The following GIGYF2 variants were observed in gnomAD, a reference collection of about 807,000 sequenced individuals.
The protein encoded by GIGYF2 is GRB10 interacting GYF protein 2, also known as GRB10-interacting GYF protein 2.
GIGYF2 carries 25 observed loss-of-function variants against 208.1 expected under a neutral mutation model. That is an observed-to-expected ratio of 0.12 (90% CI 0.09 to 0.17). The LOEUF is 0.17. Among genes scored for constraint, GIGYF2 ranks in the 10% least tolerant of loss-of-function variants. The pLI, the probability that GIGYF2 is intolerant of heterozygous loss-of-function variation, is 1.00. For missense variants in GIGYF2, 1,302 were observed against 1,579.4 expected (o/e 0.82, Z 2.98); for synonymous variants, 534 against 543.8 (o/e 0.98, Z 0.25).
chr2:232,815,090 G>C (rs1429831930), intron 18 of GIGYF2, among the ~76,000 whole-genome samples: 1 of 152,206 alleles, frequency 6.6e-6, no homozygotes, highest in African/African-American at 2.4e-5. Flanking sequence ...AGCTCCAGCT[G>C]TAATGCTTAC....
chr2:232,798,706 C>G (rs1024437757), intron 14 of GIGYF2, among the ~76,000 whole-genome samples: 20 of 152,048 alleles, frequency 1.3e-4, no homozygotes, highest in African/African-American at 4.3e-4. Context: ...TACTGGCCAT[C>G]TATTTGTCCT....
intron 19 of GIGYF2, chr2:232,816,009 G>A (rs2106390646): frequency 2.4e-6 from 1 of 419,538 alleles, no homozygotes; most frequent in South Asian, 2.3e-5. Context: ...ATTATTCATG[G>A]TATGAACATT....
At chr2:232,758,669 T>C (rs1426787296) in intron 6 of GIGYF2, among the ~76,000 whole-genome samples, 1 of 152,190 alleles carries the variant, frequency 6.6e-6, no homozygotes. Flanking sequence ...TAGTTATAAC[T>C]GAGAAAATAT....
intron 28 of GIGYF2, among the ~76,000 whole-genome samples, chr2:232,852,327 C>T (rs1436489022): frequency 1.3e-5 from 2 of 152,138 alleles, no homozygotes; most frequent in African/African-American, 4.8e-5. Context: ...GGGTGGATCG[C>T]TTGAGGTCAG....
At chr2:232,849,966 C>A (rs1329317678) in intron 27 of GIGYF2, among the ~76,000 whole-genome samples, 5 of 152,124 alleles carry the variant, frequency 3.3e-5, no homozygotes, top group Admixed American at 6.6e-5. Flanking sequence ...GCATTTGATA[C>A]AGACTCTGTA....
chr2:232,834,164 G>A (rs1434712343), intron 22 of GIGYF2, among the ~76,000 whole-genome samples: 1 of 152,140 alleles, frequency 6.6e-6, no homozygotes, highest in Non-Finnish European at 1.5e-5. Flanking sequence ...TTCATGCTGG[G>A]TCTGCAGTGC....
chr2:232,714,197 C>T (rs553261587), intron 2 of GIGYF2, among the ~76,000 whole-genome samples: 11 of 152,136 alleles, frequency 7.2e-5, no homozygotes, highest in African/African-American at 2.4e-4. Flanking sequence ...GTGATCCGCC[C>T]GTCTCGGCCT....
chr2:232,841,747 C>A (rs374543805), intron 23 of GIGYF2, among the ~76,000 whole-genome samples: 2 of 152,086 alleles, frequency 1.3e-5, no homozygotes, highest in Admixed American at 6.6e-5. Context: ...TCATTATCAT[C>A]CCTGGAGGCA....
intron 27 of GIGYF2, among the ~76,000 whole-genome samples, chr2:232,848,459 T>TA (rs1399599207): frequency 1.3e-5 from 2 of 151,956 alleles, no homozygotes; most frequent in Non-Finnish European, 2.9e-5. Context: ...CATGGTGAAA[T>TA]ACCGTCTCTA....
chr2:232,769,252 C>G (rs773654636), intron 8 of GIGYF2, among the ~76,000 whole-genome samples: 2 of 152,002 alleles, frequency 1.3e-5, no homozygotes, highest in Non-Finnish European at 2.9e-5. Flanking sequence ...ATATTTTGGC[C>G]AGGCATGGTG....
chr2:232,747,634 G>A lies in GIGYF2; in HGVS notation c.61G>A (p.Gly21Ser). The part of the protein sequence containing the change: ...GPEWLRALSS[G>S]GSITSPPLSP... ...TTCTAGGCTCCGAGCTCTGTCCAGT[G>A]GTGGGAGTATTACATCCCCTCCTCT... Residue 21 changes from glycine (G) to serine (S), a missense_variant, in exon 4 of 29, where the codon GGT (glycine) becomes AGT (serine). Physicochemically the swap from Gly to Ser is moderately conservative, Grantham distance 56 (BLOSUM62 0). This residue lies in a region of GIGYF2 where 27 missense variants were observed against 59.5 expected (regional missense o/e 0.45). Transcript: ENST00000373563. 1 of 1,613,954 alleles carries A rather than the reference G, an allele frequency of 6.2e-7. No individual in the cohort carries two copies. Among genetic ancestry groups the A allele is most frequent in the Non-Finnish European group, 8.5e-7 (1 of 1,179,868 alleles).
chr2:232,846,018 G>A (rs1701992467), intron 26 of GIGYF2, 132 bp downstream of exon 26: 3 of 708,182 alleles, frequency 4.2e-6, no homozygotes, highest in African/African-American at 3.5e-5. Flanking sequence ...ACCTGCCATA[G>A]GAACTTGACT....
intron 2 of GIGYF2, among the ~76,000 whole-genome samples, chr2:232,723,727 C>A (rs966875384): frequency 1.5e-5 from 1 of 65,510 alleles, no homozygotes; most frequent in Non-Finnish European, 2.7e-5. Context: ...TGTGCCCGGC[C>A]TTTTTTTTTT....
chr2:232,780,188 A>G lies in GIGYF2; in HGVS notation c.533-6962A>G, dbSNP rs575128495. Among the ~76,000 whole-genome samples the G allele has an allele frequency of 2.0e-4, 31 of 152,330 alleles. No individual in the cohort carries two copies. In the East Asian group the frequency reaches 6.0e-3, roughly 29 times the overall value. ...ATTTTTGGCCGTGGGTCAAACATGC[A>G]CACAGGTGCCCTTTTACTGCTCTTT... On this transcript the variant is annotated intron_variant, in intron 8 of 28. Coordinates refer to ENST00000373563, the MANE Select transcript of GIGYF2 (RefSeq NM_001103146.3).
chr2:232,800,490 T>G (rs1232111269), intron 14 of GIGYF2, among the ~76,000 whole-genome samples: 1 of 152,182 alleles, frequency 6.6e-6, no homozygotes, highest in Non-Finnish European at 1.5e-5. Flanking sequence ...ATGTCTGTCT[T>G]TATATTGGCA....
chr2:232,745,101 C>G (rs574711574), intron 3 of GIGYF2, among the ~76,000 whole-genome samples: 1 of 152,050 alleles, frequency 6.6e-6, no homozygotes, highest in Non-Finnish European at 1.5e-5. Flanking sequence ...GGGGTAGTTC[C>G]TTTCTTCTTG....
chr2:232,720,289 G>A (rs1696875666), intron 2 of GIGYF2, among the ~76,000 whole-genome samples: 1 of 152,004 alleles, frequency 6.6e-6, no homozygotes, highest in Non-Finnish European at 1.5e-5. Flanking sequence ...CTTTTTTATG[G>A]CTGCATAGTA....
chr2:232,847,222 C>T (rs544133220), intron 26 of GIGYF2, 126 bp from the exon 27 acceptor site: 4 of 931,972 alleles, frequency 4.3e-6, no homozygotes, highest in East Asian at 2.4e-5. Flanking sequence ...TTGCTGCATA[C>T]TTACCAAGTG....
At chr2:232,705,211 A>G (rs1039902582) in intron 2 of GIGYF2, among the ~76,000 whole-genome samples, 7 of 152,036 alleles carry the variant, frequency 4.6e-5, no homozygotes, top group African/African-American at 1.7e-4. Flanking sequence ...TTAGGAAGCC[A>G]TATAGAATTC....
Sources: allele counts gnomAD v4.1 joint callset (sites outside exome capture counted in the v4.1 genomes callset), GRCh38; gene constraint gnomAD v4.1.1; regional missense constraint gnomAD v4.1.1; transcripts MANE v1.5; gene names NCBI Gene and HGNC (gene_info 2026-07-23, HGNC 2026-07-21).